The following CREBBP variants were observed in gnomAD, a reference collection of about 807,000 sequenced individuals.
CREBBP encodes the protein CREB binding lysine acetyltransferase, also known as CREB-binding protein.
CREBBP carries 19 observed loss-of-function variants against 265.0 expected under a neutral mutation model. The observed-to-expected ratio is 0.07, with a 90% CI of 0.05 to 0.11. The LOEUF (loss-of-function observed/expected upper bound fraction) is 0.11, where lower values mean the gene tolerates loss of function less well. Among genes scored for constraint, CREBBP ranks in the 10% least tolerant of loss-of-function variants. CREBBP has a pLI of 1.00. For synonymous variants in CREBBP, 1,457 were observed against 1,223.7 expected (o/e 1.19, Z -3.98); for missense variants, 2,525 against 3,219.0 (o/e 0.78, Z 5.22).
chr16:3,733,446 G>A (rs1596796955), intron 28 of CREBBP, among the ~76,000 whole-genome samples: 1 of 152,042 alleles, frequency 6.6e-6, no homozygotes, highest in East Asian at 1.9e-4. Flanking sequence ...AGGATTCAGA[G>A]ACAGAAAAGG....
At chr16:3,805,500 G>T (rs1273776756) in intron 3 of CREBBP, among the ~76,000 whole-genome samples, 1 of 152,172 alleles carries the variant, frequency 6.6e-6, no homozygotes, top group Admixed American at 6.5e-5. Context: ...GGGAACACAG[G>T]CATTTGTGCA....
intron 16 of CREBBP, chr16:3,761,466 T>C (rs766760758): frequency 1.6e-5 from 8 of 500,234 alleles, no homozygotes; most frequent in Non-Finnish European, 3.2e-5. Flanking sequence ...AAGTTAAAAG[T>C]TGGAAGGAAA....
At chr16:3,810,833 A>G in intron 2 of CREBBP, 54 bp from the exon 3 acceptor site, 2 of 1,576,534 alleles carry the variant, frequency 1.3e-6, no homozygotes, top group Non-Finnish European at 1.7e-6. Flanking sequence ...ATATAAAAGG[A>G]AGGGCCTGGG....
intron 8 of CREBBP, among the ~76,000 whole-genome samples, chr16:3,780,106 G>T (rs945214766): frequency 6.6e-6 from 1 of 151,948 alleles, no homozygotes; most frequent in African/African-American, 2.4e-5. Context: ...GCTGGGGGTG[G>T]TGGCACGTGC....
In CREBBP at chr16:3,773,930, T is replaced by C; in HGVS notation, c.2284A>G (p.Met762Val). The part of the protein sequence containing the change: ...QMNSMGSVPG[M>V]AISPSRMPQP... ...GGCATTCGGGAAGGAGAAATGGCCA[T>C]CTACGAGACAACAAGCACCACCAGA... The change falls in exon 13 of 31, where the codon ATG becomes GTG. Residue 762 changes from methionine to valine, a missense_variant and splice_region_variant. By Grantham distance (21) the Met-to-Val change is conservative (BLOSUM62 1). Around this residue, in one of 19 missense-constraint regions of CREBBP, gnomAD observed 548 missense variants for 533.0 expected, o/e 1.03. Transcript: ENST00000262367. The C allele has an allele frequency of 6.2e-7, 1 of 1,612,196 alleles. No homozygotes were observed.
chr16:3,839,136 C>CA (rs2054514817), intron 2 of CREBBP, among the ~76,000 whole-genome samples: 2 of 151,966 alleles, frequency 1.3e-5, no homozygotes, highest in Admixed American at 1.3e-4. Context: ...ATTTAAAAGC[C>CA]AAAAAAACTA....
At position 3,757,789 on chromosome 16, in the gene CREBBP, G is replaced by T; in HGVS notation, c.3609+20C>A. ...GATTAACCAGGAAAATTCACTTTCC[G>T]GAAAAACTTAAAACTGTACCTTGCG... On this transcript the variant is annotated intron_variant, in intron 18 of 30. Transcript: ENST00000262367. 2.5e-6 allele frequency: 4 copies of T among 1,613,420 alleles called. No homozygotes were observed. The highest frequency in any genetic ancestry group is 3.4e-6 in the Non-Finnish European group (4 of 1,180,010).
In CREBBP at chr16:3,726,854, A is replaced by T; in HGVS notation, c.*864T>A. The stretch of plus-strand genomic sequence containing the variant: ...CACACAGTTTATTTAACAATATGAT[A>T]TAAGAAATGAGTTGGTATTTTACCA... On this transcript the variant is annotated 3_prime_UTR_variant, in exon 31 of 31. Transcript: ENST00000262367. 8.6e-6 allele frequency: 2 copies of T among 233,652 alleles called. No homozygotes were observed. The highest frequency in any genetic ancestry group is 1.7e-5 in the Non-Finnish European group (2 of 118,022). The allele number at this position is 233,652 out of a possible 1,614,324, so 14.5% of individuals were successfully genotyped here.
intron 5 of CREBBP, among the ~76,000 whole-genome samples, chr16:3,783,767 A>G (rs1250035783): frequency 6.6e-6 from 1 of 152,242 alleles, no homozygotes; most frequent in Non-Finnish European, 1.5e-5. Context: ...CTGGCAGGGA[A>G]GCTGCCCCAT....
chr16:3,867,693 G>C (rs1160805104), intron 1 of CREBBP, among the ~76,000 whole-genome samples: 1 of 150,206 alleles, frequency 6.7e-6, no homozygotes, highest in Non-Finnish European at 1.5e-5. Context: ...TGAGGTTGAA[G>C]GACTGCTTGA....
At chr16:3,846,598 C>A (rs1294076507) in intron 2 of CREBBP, among the ~76,000 whole-genome samples, 1 of 152,104 alleles carries the variant, frequency 6.6e-6, no homozygotes, top group Non-Finnish European at 1.5e-5. Flanking sequence ...TACGATATAC[C>A]CAAATCAGGA....
At chr16:3,820,490 C>A (rs941309490) in intron 2 of CREBBP, among the ~76,000 whole-genome samples, 8 of 152,124 alleles carry the variant, frequency 5.3e-5, no homozygotes, top group African/African-American at 1.9e-4. Flanking sequence ...AATGTGCGGC[C>A]CCCAGGTCTG....
chr16:3,834,941 G>A (rs1597024820), intron 2 of CREBBP, among the ~76,000 whole-genome samples: 1 of 152,062 alleles, frequency 6.6e-6, no homozygotes, highest in African/African-American at 2.4e-5. Context: ...GGCGGATCAC[G>A]AGGTCACGAG....
intron 1 of CREBBP, among the ~76,000 whole-genome samples, chr16:3,878,362 T>C (rs890209846): frequency 5.9e-5 from 9 of 152,248 alleles, no homozygotes; most frequent in African/African-American, 2.2e-4. Context: ...AACTCAACTT[T>C]TATCAGCTAA....
rs587783507 is a variant in CREBBP at position 3,729,209 on chromosome 16, TG to T, written c.5837del (p.Pro1946HisfsTer30). The T allele has an allele frequency of 1.2e-5, 3 of 254,398 alleles. No individual in the cohort carries two copies. The highest frequency in any genetic ancestry group is 6.0e-6 in the Non-Finnish European group (1 of 165,530). The allele number at this position is 254,398 out of a possible 1,614,324, so 15.8% of individuals were successfully genotyped here. A position where few individuals can be genotyped will look rare whatever the true frequency, so the allele number is the denominator to read the frequency against. Reference sequence around the variant, plus strand: ...CTGCAGGAGGGGGCTGGGCCGGGGGTGGGGGGGCCGGCACCTGGCTGGTAGG... The same window carrying T: ...CTGCAGGAGGGGGCTGGGCCGGGGGTGGGGGGCCGGCACCTGGCTGGTAGG... ...GKPTSQVPAP[P>X]PPAQPPPAAV... On this transcript the variant is annotated frameshift_variant, in exon 31 of 31. Coordinates refer to ENST00000262367, the MANE Select transcript of CREBBP (RefSeq NM_004380.3). LOFTEE classifies it high-confidence loss of function.
intron 2 of CREBBP, among the ~76,000 whole-genome samples, chr16:3,826,990 AC>A (rs932619482): frequency 6.6e-6 from 1 of 152,108 alleles, no homozygotes; most frequent in Non-Finnish European, 1.5e-5. Context: ...TAAATCTAAA[AC>A]TGTTCTCAAC....
intron 3 of CREBBP, among the ~76,000 whole-genome samples, chr16:3,805,986 T>A (rs997280805): frequency 3.3e-5 from 5 of 152,218 alleles, no homozygotes; most frequent in Admixed American, 1.3e-4. Context: ...TAAGAGTGAC[T>A]ACAAGACACA....
chr16:3,729,644 C>T lies in CREBBP; in HGVS notation c.5403G>A (p.Val1801=), dbSNP rs748186639. The change falls in exon 31 of 31, where the codon GTG becomes GTA. Residue 1801 remains valine, a synonymous_variant. Transcript: ENST00000262367. ...SLPSCQKMKR[V]VQHTKGCKRK... is the part of the protein sequence containing the mutation. ...GTTTGCAGCCCTTGGTGTGCTGCAC[C>T]ACCCGCTTCATCTTCTGGCAGGATG... is the stretch of plus-strand genomic sequence containing the variant. The T allele has an allele frequency of 1.2e-6, 2 of 1,614,020 alleles. No homozygotes were observed. Among genetic ancestry groups the T allele is most frequent in the South Asian group, 2.2e-5 (2 of 91,088 alleles).
chr16:3,736,943 C>T, intron 26 of CREBBP, 128 bp from the exon 27 acceptor site: 1 of 1,185,020 alleles, frequency 8.4e-7, no homozygotes, highest in South Asian at 1.3e-5. Flanking sequence ...AATGAATGCC[C>T]ACAAAGCTGG....
Sources: allele counts gnomAD v4.1 joint callset (sites outside exome capture counted in the v4.1 genomes callset), GRCh38; gene constraint gnomAD v4.1.1; regional missense constraint gnomAD v4.1.1; transcripts MANE v1.5; gene names NCBI Gene and HGNC (gene_info 2026-07-23, HGNC 2026-07-21).